The following CNTN4 variants were observed in gnomAD, a reference collection of about 807,000 sequenced individuals.
CNTN4 encodes the protein contactin 4.
In CNTN4, 77 loss-of-function variants were observed where a neutral mutation model predicts 122.5. That is an observed-to-expected ratio of 0.63 (90% CI 0.52 to 0.76). CNTN4 has a LOEUF of 0.76. CNTN4 is among the 30% of genes least tolerant of loss of function. The pLI, the probability that CNTN4 is intolerant of heterozygous loss-of-function variation, is 0.00. For synonymous variants in CNTN4, 512 were observed against 447.0 expected, an observed-to-expected ratio of 1.15 and a Z score of -1.83; for missense variants, 1,256 against 1,259.1, an observed-to-expected ratio of 1.00 and a Z score of 0.04.
At chr3:2,404,946 G>A (rs62245708) in intron 3 of CNTN4, among the ~76,000 whole-genome samples, 20,966 of 152,100 alleles carry the variant, frequency 0.14, 1,839 homozygotes, top group Middle Eastern at 0.24. Flanking sequence ...GAAAGTAAAG[G>A]CAACAAGTTT....
chr3:2,475,641 TTGAC>T, intron 3 of CNTN4, among the ~76,000 whole-genome samples: 2 of 152,320 alleles, frequency 1.3e-5, no homozygotes, highest in African/African-American at 4.8e-5. Flanking sequence ...TTATTTTTGT[TTGAC>T]TGTTTAATTG....
intron 3 of CNTN4, among the ~76,000 whole-genome samples, chr3:2,540,632 A>C (rs961618953): frequency 1.3e-5 from 2 of 152,126 alleles, no homozygotes; most frequent in African/African-American, 4.8e-5. Flanking sequence ...TTCATACACA[A>C]TATACAGAAG....
intron 18 of CNTN4, among the ~76,000 whole-genome samples, 165 bp from the exon 19 acceptor site, chr3:3,038,768 G>C (rs7625369): frequency 6.6e-6 from 1 of 150,546 alleles, no homozygotes; most frequent in Non-Finnish European, 1.5e-5. Flanking sequence ...TCACTTCCTC[G>C]AGCGGTCGCC....
chr3:2,596,470 G>A (rs1306576217), intron 4 of CNTN4, among the ~76,000 whole-genome samples: 1 of 152,092 alleles, frequency 6.6e-6, no homozygotes, highest in Non-Finnish European at 1.5e-5. Context: ...TAGCAATCAT[G>A]TGTTGAATAT....
At chr3:2,393,414 C>G (rs1017979455) in intron 3 of CNTN4, among the ~76,000 whole-genome samples, 1 of 152,110 alleles carries the variant, frequency 6.6e-6, no homozygotes, top group African/African-American at 2.4e-5. Context: ...GTCTTGAGGC[C>G]TTCCACCTTT....
chr3:2,721,693 G>A (rs115061529), intron 4 of CNTN4, among the ~76,000 whole-genome samples: 190 of 152,310 alleles, frequency 1.2e-3, no homozygotes, highest in African/African-American at 4.4e-3. Context: ...TGCCTGTAGT[G>A]CTTATCAGTG....
In CNTN4 at chr3:2,287,327, C is replaced by T. The variant is rs571788840; in HGVS notation, c.-144-51851C>T. On this transcript the variant is annotated intron_variant, in intron 2 of 24. Transcript: ENST00000418658. ...GTGTATAAAGATAAATGAGGCTGGG[C>T]ACAGTGGTGCACGCCTGTTATCCTA... Among the ~76,000 whole-genome samples the T allele has an allele frequency of 1.7e-3, 252 of 152,044 alleles. 1 individual carries two copies. The highest frequency in any genetic ancestry group is 7.1e-3 in the South Asian group (34 of 4,808).
intron 4 of CNTN4, among the ~76,000 whole-genome samples, chr3:2,663,138 A>G (rs1156409988): frequency 1.3e-5 from 2 of 152,124 alleles, no homozygotes; most frequent in African/African-American, 4.8e-5. Flanking sequence ...TAAAGACACA[A>G]GATCATGTGA....
At chr3:2,254,640 G>A (rs943777520) in intron 2 of CNTN4, among the ~76,000 whole-genome samples, 15 of 152,178 alleles carry the variant, frequency 9.9e-5, no homozygotes, top group African/African-American at 3.1e-4. Context: ...CTAATGACCA[G>A]GGATGATGAG....
At chr3:2,639,604 C>G (rs1018171844) in intron 4 of CNTN4, among the ~76,000 whole-genome samples, 11 of 152,194 alleles carry the variant, frequency 7.2e-5, no homozygotes, top group Non-Finnish European at 1.0e-4. Flanking sequence ...GGGCATGCAT[C>G]TCTGTTTTAT....
chr3:2,650,207 G>A (rs146879414), intron 4 of CNTN4, among the ~76,000 whole-genome samples: 3 of 151,744 alleles, frequency 2.0e-5, no homozygotes, highest in South Asian at 4.2e-4. Flanking sequence ...ACTTTGAGGG[G>A]CTTAAAGCTT....
chr3:2,523,516 C>G (rs184578141), intron 3 of CNTN4, among the ~76,000 whole-genome samples: 6 of 152,054 alleles, frequency 3.9e-5, no homozygotes, highest in Admixed American at 3.9e-4. Flanking sequence ...GAGTCAGAGT[C>G]TTTGGTGATG....
chr3:2,369,247 A>G (rs1224658958), intron 3 of CNTN4, among the ~76,000 whole-genome samples: 1 of 152,160 alleles, frequency 6.6e-6, no homozygotes, highest in Non-Finnish European at 1.5e-5. Flanking sequence ...TTTATTGGTT[A>G]TAAGACCTAG....
chr3:2,107,637 T>C (rs772898454), intron 2 of CNTN4, among the ~76,000 whole-genome samples: 4 of 152,122 alleles, frequency 2.6e-5, no homozygotes, highest in Non-Finnish European at 4.4e-5. Flanking sequence ...CCATATCAGC[T>C]GGTGATTTTG....
rs60925207 is a variant in CNTN4, at chr3:2,878,553, CTGTGTGTGTGTGTGTG to C, written c.653-4570_653-4555del. The stretch of plus-strand genomic sequence containing the variant: ...AAGAGAACAACAGAAGAGATGCTCT[CTGTGTGTGTGTGTGTG>C]TGTGTGTGTGTGTGTGTGTGTCTTT... On this transcript the variant is annotated intron_variant, in intron 8 of 24. Transcript: ENST00000418658. 1.8e-4 allele frequency among the ~76,000 whole-genome samples: 27 copies of C among 146,950 alleles called. 1 individual carries two copies. The highest frequency in any genetic ancestry group is 5.5e-4 in the African/African-American group (22 of 39,724).
At chr3:2,486,151 A>G (rs2076154395) in intron 3 of CNTN4, among the ~76,000 whole-genome samples, 1 of 152,116 alleles carries the variant, frequency 6.6e-6, no homozygotes, top group Non-Finnish European at 1.5e-5. Flanking sequence ...AAGAGCTGTA[A>G]CACTCACTGC....
intron 4 of CNTN4, among the ~76,000 whole-genome samples, chr3:2,720,125 T>G (rs975944782): frequency 6.6e-6 from 1 of 152,102 alleles, no homozygotes; most frequent in African/African-American, 2.4e-5. Context: ...ACAGAATGCT[T>G]TGAAAGCAGA....
At chr3:2,807,989 C>T (rs1234503043) in intron 6 of CNTN4, among the ~76,000 whole-genome samples, 2 of 152,274 alleles carry the variant, frequency 1.3e-5, no homozygotes, top group African/African-American at 4.8e-5. Context: ...AAGTGAGAAA[C>T]TGCGCCTCTT....
intron 4 of CNTN4, among the ~76,000 whole-genome samples, chr3:2,584,073 T>A (rs1021407785): frequency 6.6e-6 from 1 of 152,180 alleles, no homozygotes; most frequent in Non-Finnish European, 1.5e-5. Context: ...CTTAATTCTC[T>A]GAGAAAACAT....
Sources: gnomAD v4.1 joint callset for allele counts (sites outside exome capture counted in the v4.1 genomes callset) on GRCh38, gnomAD v4.1.1 for gene constraint, MANE v1.5 for transcripts, NCBI Gene and HGNC (gene_info 2026-07-23, HGNC 2026-07-21) for gene names.